Variants in UNC13B observed in about 807,000 individuals in gnomAD.
UNC13B encodes protein unc-13 homolog B.
A neutral mutation model predicts 211.0 loss-of-function variants in UNC13B; 144 were observed. That is an observed-to-expected ratio of 0.68 (90% CI 0.60 to 0.78). The LOEUF is 0.78. UNC13B is among the 30% of genes least tolerant of loss of function. The pLI is 0.00. For synonymous variants in UNC13B, 709 were observed against 725.8 expected, an observed-to-expected ratio of 0.98 and a Z score of 0.37; for missense variants, 1,777 against 2,002.0, an observed-to-expected ratio of 0.89 and a Z score of 2.14.
At chr9:35,199,154 C>T (rs535045129) in intron 1 of UNC13B, among the ~76,000 whole-genome samples, 1 of 152,214 alleles carries the variant, frequency 6.6e-6, no homozygotes, top group African/African-American at 2.4e-5. Context: ...CATTCATGTC[C>T]CTACAAAGGA....
intron 1 of UNC13B, among the ~76,000 whole-genome samples, chr9:35,184,354 C>A (rs1180850745): frequency 1.3e-5 from 2 of 152,212 alleles, no homozygotes; most frequent in East Asian, 3.9e-4. Flanking sequence ...GAGGCCAAGG[C>A]AGGCGGCTGG....
chr9:35,377,521 A>G lies in UNC13B; in HGVS notation c.9889A>G (p.Ile3297Val). 6.2e-7 allele frequency: 1 copy of G among 1,614,266 alleles called. No homozygotes were observed. The highest frequency in any genetic ancestry group is 8.5e-7 in the Non-Finnish European group (1 of 1,180,048). ...AGCTGAGGACCGGACCCAGAACATT[A>G]TCATGGCCATGAAGGACCGCATGAA... ...HGAEDRTQNIIMAMKDRMKIR... is the reference protein window; with the variant it reads ...HGAEDRTQNIVMAMKDRMKIR... The change falls in exon 16 of 40, where the codon ATC becomes GTC. Residue 3297 changes from isoleucine (I) to valine (V), a missense_variant. Transcript: ENST00000635942.
intron 11 of UNC13B, among the ~76,000 whole-genome samples, chr9:35,362,680 G>T (rs1317881941): frequency 6.6e-6 from 1 of 151,754 alleles, no homozygotes; most frequent in Admixed American, 6.6e-5. Context: ...GGCGCCTGTA[G>T]TCCCAGCTAC....
intron 22 of UNC13B, chr9:35,384,559 ACT>A (rs1835065660): frequency 1.0e-6 from 1 of 985,284 alleles, no homozygotes; most frequent in Non-Finnish European, 1.2e-6. Flanking sequence ...CATTCTTAAC[ACT>A]CTACTAAACT....
chr9:35,344,066 C>T (rs924762131), intron 11 of UNC13B, among the ~76,000 whole-genome samples: 1 of 152,090 alleles, frequency 6.6e-6, no homozygotes, highest in African/African-American at 2.4e-5. Context: ...CTGCTCTAAA[C>T]TCACCCATCA....
chr9:35,366,315 C>G (rs529563201), intron 11 of UNC13B, among the ~76,000 whole-genome samples: 70 of 152,290 alleles, frequency 4.6e-4, no homozygotes, highest in Non-Finnish European at 7.6e-4. Context: ...TATTTGGTGT[C>G]TCAAGTTTCG....
chr9:35,363,418 T>C (rs1381512445), intron 11 of UNC13B, among the ~76,000 whole-genome samples: 1 of 152,214 alleles, frequency 6.6e-6, no homozygotes, highest in Non-Finnish European at 1.5e-5. Context: ...GGTTGAGATG[T>C]AGATATGGAA....
chr9:35,247,352 T>C (rs1047182782), intron 6 of UNC13B, among the ~76,000 whole-genome samples: 3 of 152,208 alleles, frequency 2.0e-5, no homozygotes, highest in African/African-American at 7.2e-5. Flanking sequence ...TATTTCTTTG[T>C]CCTGCCTGAT....
chr9:35,352,568 AG>A, intron 11 of UNC13B: 1 of 1,232,182 alleles, frequency 8.1e-7, no homozygotes, highest in Non-Finnish European at 1.0e-6. Flanking sequence ...AACAGGGGAC[AG>A]GGGACCCATA....
chr9:35,380,983 G>T, intron 18 of UNC13B, 117 bp from the exon 19 acceptor site: 1 of 953,228 alleles, frequency 1.0e-6, no homozygotes, highest in Non-Finnish European at 1.6e-6. Flanking sequence ...GAGTCCTTGG[G>T]TTGGCCCCTT....
chr9:35,369,121 G>A (rs1833959474), intron 12 of UNC13B, among the ~76,000 whole-genome samples: 1 of 152,194 alleles, frequency 6.6e-6, no homozygotes, highest in Non-Finnish European at 1.5e-5. Context: ...TGTTCAGGGA[G>A]CTGTTTTATT....
chr9:35,173,388 G>T lies in UNC13B; in HGVS notation c.22+11083G>T, dbSNP rs567841611. On this transcript the variant is annotated intron_variant, in intron 1 of 39. Coordinates refer to ENST00000635942, the MANE Select transcript of UNC13B (RefSeq NM_001371189.2). ...AGAGAGCATGTCACTCTTTGGAATG[G>T]TGCTCTCCTTTTGTAATCTTAATCT... is the stretch of plus-strand genomic sequence containing the variant. Among the ~76,000 whole-genome samples the T allele has an allele frequency of 1.6e-4, 24 of 151,828 alleles. 1 individual carries two copies. The highest frequency in any genetic ancestry group is 1.0e-3 in the South Asian group (5 of 4,778).
rs1352814953 is a variant in UNC13B at position 35,403,793 on chromosome 9, A to G, written c.12783A>G (p.Ile4261Met). ...GGCCCGAGTCCTATGAGTTGCAGAT[A>G]TGCGTGAAGGATTACTGCTTTGCCC... ...EEGPESYELQ[I>M]CVKDYCFARE... Residue 4261 changes from isoleucine to methionine, a missense_variant, in exon 40 of 40, where the codon ATA becomes ATG. Ile to Met is a conservative substitution (Grantham distance 10). Transcript: ENST00000635942. The G allele has an allele frequency of 6.2e-7, 1 of 1,614,018 alleles. No homozygotes were observed. The highest frequency in any genetic ancestry group is 1.3e-5 in the African/African-American group (1 of 74,898).
At chr9:35,170,831 G>C (rs1821298372) in intron 1 of UNC13B, among the ~76,000 whole-genome samples, 1 of 151,408 alleles carries the variant, frequency 6.6e-6, no homozygotes, top group South Asian at 2.1e-4. Context: ...TTTTGAGACA[G>C]GTTCTTATTC....
At chr9:35,343,626 G>T (rs990165560) in intron 11 of UNC13B, among the ~76,000 whole-genome samples, 1 of 152,134 alleles carries the variant, frequency 6.6e-6, no homozygotes, top group Non-Finnish European at 1.5e-5. Flanking sequence ...AAGTGAGCAG[G>T]TGAAAAGATG....
chr9:35,310,512 A>G lies in UNC13B; in HGVS notation c.9054A>G (p.Gln3018=), dbSNP rs777865862. 2 of 1,614,128 alleles carry G rather than the reference A, an allele frequency of 1.2e-6. No individual in the cohort carries two copies. The highest frequency in any genetic ancestry group is 1.6e-4 in the Middle Eastern group (1 of 6,062). ...SRYGSSCNVS[Q]GSSQLSELDQ... ...ATGGCTCCTCCTGTAATGTGAGTCA[A>G]GGAAGCTCTCAGCTAAGTGAACTAG... The change falls in exon 10 of 40, where the codon CAA becomes CAG. Residue 3018 remains glutamine (Q), a synonymous_variant. Transcript: ENST00000635942.
Position 35,376,371 on chromosome 9 carries a change from A to G in UNC13B, c.9835+124A>G, listed in dbSNP as rs1170710363. The G allele has an allele frequency of 3.1e-6, 3 of 970,368 alleles. No individual in the cohort carries two copies. The South Asian group carries it at 4.7e-5, about 15-fold the overall frequency. 60.1% of individuals were successfully genotyped at this position (970,368 alleles called of 1,614,324 possible). On this transcript the variant is annotated intron_variant, in intron 15 of 39. Coordinates refer to ENST00000635942, the MANE Select transcript of UNC13B (RefSeq NM_001371189.2). ...CCAGTCCACCTGATTCTGAAACCCT[A>G]TCCATTTCAGAGAAGGTAGGATTCT...
intron 7 of UNC13B, among the ~76,000 whole-genome samples, chr9:35,284,230 C>A (rs1218799138): frequency 2.0e-5 from 3 of 152,126 alleles, no homozygotes; most frequent in Non-Finnish European, 4.4e-5. Flanking sequence ...CATGTCACTG[C>A]ACTCCAGCCT....
At chr9:35,225,360 A>G (rs113276784) in intron 1 of UNC13B, among the ~76,000 whole-genome samples, 28,292 of 151,984 alleles carry the variant, frequency 0.19, 2,957 homozygotes, top group Non-Finnish European at 0.24. Flanking sequence ...GGGGTTTCCC[A>G]TGTTGGCCAA....
Sources: gnomAD v4.1 joint callset for allele counts (sites outside exome capture counted in the v4.1 genomes callset) on GRCh38, gnomAD v4.1.1 for gene constraint, MANE v1.5 for transcripts, NCBI Gene and HGNC (gene_info 2026-07-23, HGNC 2026-07-21) for gene names.